Variants in ZDHHC11B observed in about 807,000 individuals in gnomAD.
The protein encoded by ZDHHC11B is probable palmitoyltransferase ZDHHC11B.
Under a neutral mutation model 42.3 loss-of-function variants are expected in ZDHHC11B, and 17 were observed. That is an observed-to-expected ratio of 0.40 (90% confidence interval 0.27 to 0.60). The LOEUF (loss-of-function observed/expected upper bound fraction) is 0.60. Among genes scored for constraint, ZDHHC11B ranks in the 20% least tolerant of loss-of-function variants. ZDHHC11B has a pLI of 0.41. For missense variants in ZDHHC11B, 262 were observed against 463.2 expected, an observed-to-expected ratio of 0.57 and a Z score of 3.99; for synonymous variants, 123 against 193.5, an observed-to-expected ratio of 0.64 and a Z score of 3.02.
intron 12 of ZDHHC11B, 141 bp downstream of exon 12, chr5:730,293 T>C (rs1561123746): frequency 1.8e-6 from 2 of 1,090,162 alleles, no homozygotes. Flanking sequence ...TGGCTATAAA[T>C]GTTCAGTGAA....
In ZDHHC11B at chr5:759,254, A is replaced by T. The variant is rs150393761; in HGVS notation, c.223-3110T>A. Among the ~76,000 whole-genome samples the T allele has an allele frequency of 3.7e-3, 558 of 151,672 alleles. 13 individuals carry two copies. The highest frequency in any genetic ancestry group is 0.012 in the African/African-American group (502 of 41,212). ...GCGCCGCAGCGCCAGCCCAGAACAC[A>T]CACCCTGCGCCCTTTGTTAACACTG... On this transcript the variant is annotated intron_variant, in intron 4 of 13. Coordinates refer to ENST00000508859, the MANE Select transcript of ZDHHC11B (RefSeq NM_001351303.2).
intron 6 of ZDHHC11B, among the ~76,000 whole-genome samples, chr5:752,414 A>G (rs1311857257): frequency 2.1e-5 from 2 of 95,164 alleles, no homozygotes; most frequent in Non-Finnish European, 4.9e-5. Flanking sequence ...CCATCCAGAA[A>G]AACCAATTCT....
rs1367620515 is a variant in ZDHHC11B, at chr5:756,145, C to A, written c.223-1G>T. The A allele has an allele frequency of 7.3e-7, 1 of 1,377,076 alleles. No homozygotes were observed. The highest frequency in any genetic ancestry group is 2.7e-5 in the Admixed American group (1 of 37,142). The allele number at this position is 1,377,076 out of a possible 1,614,324, so 85.3% of individuals were successfully genotyped here. ...GGAACGAGAAGATCCCCCCGGTCACCTGGCATGTCAAGGAAGAACCTGGCC... is the reference window on the plus strand; with the variant it reads ...GGAACGAGAAGATCCCCCCGGTCACATGGCATGTCAAGGAAGAACCTGGCC... On this transcript the variant is annotated splice_acceptor_variant, in intron 4 of 13. Coordinates refer to ENST00000508859, the MANE Select transcript of ZDHHC11B (RefSeq NM_001351303.2). LOFTEE classifies it high-confidence loss of function.
chr5:769,634 G>A (rs1406180332), intron 1 of ZDHHC11B, among the ~76,000 whole-genome samples: 5 of 151,822 alleles, frequency 3.3e-5, no homozygotes, highest in African/African-American at 7.3e-5. Context: ...AAACCCAAGT[G>A]ATCACACTTT....
intron 4 of ZDHHC11B, among the ~76,000 whole-genome samples, chr5:761,061 C>T (rs1361307142): frequency 6.6e-6 from 1 of 151,842 alleles, no homozygotes; most frequent in Admixed American, 6.6e-5. Context: ...CCAAGAGACT[C>T]CGTCGCAACA....
At chr5:766,546 T>C (rs1404780872) in intron 4 of ZDHHC11B, among the ~76,000 whole-genome samples, 152 bp downstream of exon 4, 1 of 151,850 alleles carries the variant, frequency 6.6e-6, no homozygotes, top group African/African-American at 2.4e-5. Context: ...GAATGGCCAC[T>C]GGGCCCACCT....
intron 4 of ZDHHC11B, among the ~76,000 whole-genome samples, chr5:762,910 A>C (rs1166255526): frequency 6.6e-6 from 1 of 151,784 alleles, no homozygotes; most frequent in Non-Finnish European, 1.5e-5. Context: ...AAGCCCCAGG[A>C]AGACTGATGA....
At chr5:722,149 G>A (rs1245083097) in intron 12 of ZDHHC11B, among the ~76,000 whole-genome samples, 2 of 151,818 alleles carry the variant, frequency 1.3e-5, no homozygotes, top group Non-Finnish European at 2.9e-5. Context: ...GGATATTTTG[G>A]TGAAAAGATT....
intron 13 of ZDHHC11B, among the ~76,000 whole-genome samples, chr5:713,852 C>T (rs1267766634): frequency 6.6e-6 from 1 of 151,056 alleles, no homozygotes; most frequent in Admixed American, 6.6e-5. Flanking sequence ...GGGGCCCTTA[C>T]TTTAAGAGAT....
intron 12 of ZDHHC11B, among the ~76,000 whole-genome samples, chr5:728,596 GA>G (rs1238740595): frequency 6.6e-6 from 1 of 151,982 alleles, no homozygotes; most frequent in Non-Finnish European, 1.5e-5. Flanking sequence ...TATTGTTGAA[GA>G]AATTAAAATT....
intron 7 of ZDHHC11B, among the ~76,000 whole-genome samples, chr5:750,157 C>G (rs1272338313): frequency 8.5e-6 from 1 of 117,282 alleles, no homozygotes; most frequent in East Asian, 3.2e-4. Flanking sequence ...TTGTCCTGCA[C>G]CCCGAGGGGC....
rs542230227 is a variant in ZDHHC11B at position 776,055 on chromosome 5, C to G, written c.-229-7125G>C. On this transcript the variant is annotated intron_variant, in intron 1 of 13. Coordinates refer to ENST00000508859, the MANE Select transcript of ZDHHC11B (RefSeq NM_001351303.2). ...CTCAGCTGGGTGTACTGCCGCTGGG[C>G]TCTTCAGAACCTTTACGCCCAAGTC... Among the ~76,000 whole-genome samples the G allele has an allele frequency of 1.0e-3, 155 of 150,024 alleles. 4 individuals are homozygous for G. In the South Asian group the frequency reaches 0.032, roughly 31 times the overall value.
At position 754,252 on chromosome 5, in the gene ZDHHC11B, G is replaced by A. The variant is rs1170182263; in HGVS notation, c.503+746C>T. On this transcript the variant is annotated intron_variant, in intron 6 of 13. Transcript: ENST00000508859. ...TCTATGAGCCTCCACCGTGCTCAGG[G>A]GAAACACCTCTCGTCTATGAGCCTC... Among the ~76,000 whole-genome samples the A allele has an allele frequency of 2.8e-4, 33 of 118,216 alleles. 1 individual carries two copies. The highest frequency in any genetic ancestry group is 2.0e-3 in the East Asian group (5 of 2,500). 77.6% of individuals were successfully genotyped at this position (118,216 alleles called of 152,430 possible). A position where few individuals can be genotyped will look rare whatever the true frequency, so the allele number is the denominator to read the frequency against.
In ZDHHC11B at chr5:725,123, T is replaced by C. The variant is rs1396269260; in HGVS notation, c.1058+5311A>G. On this transcript the variant is annotated intron_variant, in intron 12 of 13. Transcript: ENST00000508859. ...CGAATGTGGGACCCGGATGACAGGA[T>C]TCGTGAGTGCCTTCAGAACACGCAT... 8.6e-5 allele frequency among the ~76,000 whole-genome samples: 13 copies of C among 151,360 alleles called. 1 individual carries two copies. Among genetic ancestry groups the C allele is most frequent in the African/African-American group, 2.9e-4 (12 of 40,944 alleles).
intron 4 of ZDHHC11B, among the ~76,000 whole-genome samples, chr5:761,878 C>A (rs561119899): frequency 0.013 from 1,930 of 151,594 alleles, 2 homozygotes; most frequent in African/African-American, 0.045. Context: ...CACCCCTAGC[C>A]CCAGACAGCC....
intron 1 of ZDHHC11B, among the ~76,000 whole-genome samples, chr5:773,770 C>T (rs1159090833): frequency 1.3e-5 from 2 of 151,772 alleles, no homozygotes; most frequent in African/African-American, 2.4e-5. Context: ...GCCCACCCCA[C>T]TTGCGCCCCA....
At chr5:718,695 C>CA (rs34009409) in intron 12 of ZDHHC11B, among the ~76,000 whole-genome samples, 63,641 of 116,282 alleles carry the variant, frequency 0.55, 14,099 homozygotes, top group African/African-American at 0.59. Flanking sequence ...GACTCTGTCT[C>CA]AAAAAAAAAA....
At chr5:750,824 T>A (rs1484682031) in intron 7 of ZDHHC11B, among the ~76,000 whole-genome samples, 5 of 129,070 alleles carry the variant, frequency 3.9e-5, no homozygotes, top group African/African-American at 1.3e-4. Flanking sequence ...GTGTGACAGG[T>A]GCTACAGGGC....
chr5:762,447 C>A, intron 4 of ZDHHC11B, among the ~76,000 whole-genome samples: 2 of 151,966 alleles, frequency 1.3e-5, no homozygotes, highest in Middle Eastern at 3.4e-3. Flanking sequence ...CTCTGTGAGA[C>A]CAGCTGGACC....
Sources: gnomAD v4.1 joint callset for allele counts (sites outside exome capture counted in the v4.1 genomes callset) on GRCh38, gnomAD v4.1.1 for gene constraint, MANE v1.5 for transcripts, NCBI Gene and HGNC (gene_info 2026-07-23, HGNC 2026-07-21) for gene names.